The following FCMR variants were observed in gnomAD, a reference collection of about 807,000 sequenced individuals.
FCMR encodes the protein immunoglobulin mu Fc receptor.
A neutral mutation model predicts 41.6 loss-of-function variants in FCMR; 34 were observed. The ratio of observed to expected loss-of-function variants is 0.82; its 90% confidence interval spans 0.62 to 1.09. The LOEUF (loss-of-function observed/expected upper bound fraction) is 1.09. Among genes scored for constraint, FCMR ranks in the 50% least tolerant of loss-of-function variants. The probability of loss-of-function intolerance (pLI) is 0.00; values close to 1 mark genes in which losing one functional copy is unlikely to be tolerated. For synonymous variants in FCMR, 209 were observed against 211.8 expected (o/e 0.99, Z 0.12); for missense variants, 496 against 512.5 (o/e 0.97, Z 0.31).
rs980244235 is a variant in FCMR at position 206,909,498 on chromosome 1, G to A, written c.1008C>T (p.Pro336=). The A allele has an allele frequency of 7.0e-6, 9 of 1,283,772 alleles. No homozygotes were observed. The African/African-American group carries it at 1.2e-4, about 18-fold the overall frequency. The allele number at this position is 1,283,772 out of a possible 1,614,324, so 79.5% of individuals were successfully genotyped here. The change falls in exon 7 of 8, where the codon CCC becomes CCT. Residue 336 remains proline (P), a synonymous_variant. Transcript: ENST00000367091. The surrounding 1 kb of genome is among the most constrained non-coding windows in gnomAD (Gnocchi z 5.0). ...DAAGTGEAPV[P]GPGAPLPPAP... Reference sequence around the variant, plus strand: ...CGGGGGGCAACGGCGCTCCGGGGCCGGGAACGGGGGCCTCCCCTGTGCCTA... The same window carrying A: ...CGGGGGGCAACGGCGCTCCGGGGCCAGGAACGGGGGCCTCCCCTGTGCCTA...
chr1:206,915,866 C>T (rs568390053), intron 1 of FCMR, among the ~76,000 whole-genome samples: 5 of 151,856 alleles, frequency 3.3e-5, no homozygotes, highest in African/African-American at 9.7e-5. Context: ...TTTAGTCAAA[C>T]AAGAGTCAGG....
At chr1:206,917,403 G>A (rs925833713) in intron 1 of FCMR, among the ~76,000 whole-genome samples, 1 of 152,010 alleles carries the variant, frequency 6.6e-6, no homozygotes, top group Non-Finnish European at 1.5e-5. Context: ...TCCAGATATA[G>A]TAACCCGGGT....
At chr1:206,907,439 C>G (rs1028721870) in intron 7 of FCMR, among the ~76,000 whole-genome samples, 1 of 152,164 alleles carries the variant, frequency 6.6e-6, no homozygotes. Context: ...ATTTCAGTCC[C>G]GAGATGACCT....
intron 7 of FCMR, among the ~76,000 whole-genome samples, chr1:206,907,058 G>A (rs908465356): frequency 3.6e-5 from 5 of 137,564 alleles, no homozygotes; most frequent in Non-Finnish European, 7.9e-5. Context: ...AGCGGGGGTG[G>A]GGAAGGGCAA....
chr1:206,908,584 T>A (rs1678781098), intron 7 of FCMR, among the ~76,000 whole-genome samples: 1 of 152,136 alleles, frequency 6.6e-6, no homozygotes, highest in African/African-American at 2.4e-5. Flanking sequence ...TGCAAGCGCT[T>A]GGGGACAACA....
intron 1 of FCMR, among the ~76,000 whole-genome samples, chr1:206,916,840 G>A (rs1679216262): frequency 6.6e-6 from 1 of 152,248 alleles, no homozygotes; most frequent in South Asian, 2.1e-4. Flanking sequence ...GATTACATCT[G>A]TCTAGGGCAT....
At chr1:206,912,812 T>C in intron 3 of FCMR, 117 bp downstream of exon 3, 1 of 743,686 alleles carries the variant, frequency 1.3e-6, no homozygotes, top group East Asian at 2.5e-5. Flanking sequence ...AATACACACC[T>C]AAGACTCAGC....
chr1:206,912,772 G>A (rs980286423), intron 3 of FCMR, among the ~76,000 whole-genome samples, 157 bp downstream of exon 3: 1 of 152,222 alleles, frequency 6.6e-6, no homozygotes, highest in African/African-American at 2.4e-5. Flanking sequence ...GCAGATCTCA[G>A]GGAGGTATGT....
chr1:206,906,531 G>C, intron 7 of FCMR: 1 of 152,750 alleles, frequency 6.5e-6, no homozygotes, highest in Non-Finnish European at 1.5e-5. Flanking sequence ...TTTTAGATTT[G>C]CTAAAAAACA....
chr1:206,921,557 C>T, intron 1 of FCMR: 1 of 550,286 alleles, frequency 1.8e-6, no homozygotes, highest in South Asian at 2.0e-5. Context: ...GCCATGATCA[C>T]ACCACTGCAC....
In FCMR at chr1:206,910,281, G is replaced by A; in HGVS notation, c.770C>T (p.Pro257Leu). Residue 257 changes from proline to leucine, a missense_variant, in exon 5 of 8, where the codon CCG becomes CTG. Physicochemically the swap from Pro to Leu is moderately conservative, Grantham distance 98. Transcript: ENST00000367091. ...REGQGFHILI[P>L]TILGLFLLAL... ...CAGCAGGAAAAGGCCCAGGATGGTCGGGATCAGGATGTGAAATCCTTGGCC... is the reference window on the plus strand; with the variant it reads ...CAGCAGGAAAAGGCCCAGGATGGTCAGGATCAGGATGTGAAATCCTTGGCC... 1 of 1,578,582 alleles carries A rather than the reference G, an allele frequency of 6.3e-7. No homozygotes were observed. The highest frequency in any genetic ancestry group is 8.6e-7 in the Non-Finnish European group (1 of 1,162,114).
chr1:206,909,476 G>A lies in FCMR; in HGVS notation c.1030C>T (p.Pro344Ser). ...GCGGAGCTTACCTGCAGCGGGGCGGGGGGCAACGGCGCTCCGGGGCCGGGA... is the reference window on the plus strand; with the variant it reads ...GCGGAGCTTACCTGCAGCGGGGCGGAGGGCAACGGCGCTCCGGGGCCGGGA... ...PVPGPGAPLP[P>S]APLQVSESPW... is the part of the protein sequence containing the mutation. The change falls in exon 7 of 8, where the codon CCC becomes TCC. Residue 344 changes from proline to serine, a missense_variant. Pro to Ser is a moderately conservative substitution (Grantham distance 74). Coordinates refer to ENST00000367091, the MANE Select transcript of FCMR (RefSeq NM_005449.5). The surrounding 1 kb of genome is among the most constrained non-coding windows in gnomAD (Gnocchi z 5.0). 7.8e-7 allele frequency: 1 copy of A among 1,281,778 alleles called. No homozygotes were observed. The highest frequency in any genetic ancestry group is 9.8e-7 in the Non-Finnish European group (1 of 1,015,528). 79.4% of individuals were successfully genotyped at this position (1,281,778 alleles called of 1,614,324 possible).
rs963715776 is a variant in FCMR at position 206,904,177 on chromosome 1, G to C, written c.*842C>G. 3 of 152,306 alleles carry C rather than the reference G, an allele frequency of 2.0e-5. No individual in the cohort carries two copies. Among genetic ancestry groups the C allele is most frequent in the African/African-American group, 7.2e-5 (3 of 41,504 alleles). The allele number at this position is 152,306 out of a possible 1,614,324, so 9.4% of individuals were successfully genotyped here. On this transcript the variant is annotated 3_prime_UTR_variant, in exon 8 of 8. Transcript: ENST00000367091. ...CTATACATTGTCTGGAACTGGCTAA[G>C]AAATGGGGAACATTTGTGAAAACCA...
chr1:206,908,513 T>A (rs1239250673), intron 7 of FCMR, among the ~76,000 whole-genome samples: 1 of 152,156 alleles, frequency 6.6e-6, no homozygotes, highest in East Asian at 1.9e-4. Context: ...GGCCCTACCT[T>A]GTGAGTGGGG....
chr1:206,908,064 C>T, intron 7 of FCMR: 5 of 1,161,422 alleles, frequency 4.3e-6, no homozygotes, highest in South Asian at 1.3e-5. Flanking sequence ...GCTGGAAGTA[C>T]CAGGCAGTGA....
rs537900293 is a variant in FCMR, at chr1:206,904,959, T to C, written c.*60A>G. ...GAAGCAGGTATTGGACATCAGCAGATAGATGAGACTCCTTGGCACCACAGT... is the reference window on the plus strand; with the variant it reads ...GAAGCAGGTATTGGACATCAGCAGACAGATGAGACTCCTTGGCACCACAGT... On this transcript the variant is annotated 3_prime_UTR_variant, in exon 8 of 8. Coordinates refer to ENST00000367091, the MANE Select transcript of FCMR (RefSeq NM_005449.5). The C allele has an allele frequency of 1.3e-5, 20 of 1,579,730 alleles. No homozygotes were observed. The South Asian group carries it at 2.0e-4, about 16-fold the overall frequency.
chr1:206,905,203 C>T, intron 7 of FCMR, 56 bp from the exon 8 acceptor site: 1 of 1,603,076 alleles, frequency 6.2e-7, no homozygotes, highest in South Asian at 1.1e-5. Context: ...TTAATATCTC[C>T]CCAGGTGGAT....
Position 206,909,786 on chromosome 1 carries a change from C to T in FCMR, c.924G>A (p.Pro308=). 1.4e-6 allele frequency: 2 copies of T among 1,452,410 alleles called. No homozygotes were observed. The highest frequency in any genetic ancestry group is 1.8e-6 in the Non-Finnish European group (2 of 1,110,712). The allele number at this position is 1,452,410 out of a possible 1,614,324, so 90.0% of individuals were successfully genotyped here. ...SSQRPRGSPR[P]RSQNNIYSAC... is the part of the protein sequence containing the mutation. ...CGCTGTAGATGTTGTTTTGGGAGCG[C>T]GGTCGCGGCGACCCGCGGGGCCTCT... The change falls in exon 6 of 8, where the codon CCG becomes CCA. Residue 308 remains proline (P), a synonymous_variant. Transcript: ENST00000367091. The surrounding 1 kb of genome is among the most constrained non-coding windows in gnomAD (Gnocchi z 5.0).
At chr1:206,906,062 A>G in intron 7 of FCMR, 1 of 313,932 alleles carries the variant, frequency 3.2e-6, no homozygotes, top group Non-Finnish European at 6.5e-6. Context: ...AGTGAGGATG[A>G]AACTCAGTCA....
Sources: allele counts gnomAD v4.1 joint callset (sites outside exome capture counted in the v4.1 genomes callset), GRCh38; gene constraint gnomAD v4.1.1; non-coding constraint Gnocchi (gnomAD v3.1); transcripts MANE v1.5; gene names NCBI Gene and HGNC (gene_info 2026-07-23, HGNC 2026-07-21).